The following DYRK1A variants were observed in gnomAD, a reference collection of about 807,000 sequenced individuals.
DYRK1A encodes dual specificity tyrosine phosphorylation regulated kinase 1A, also known as dual specificity tyrosine-phosphorylation-regulated kinase 1A.
In DYRK1A, 9 loss-of-function variants were observed where a neutral mutation model predicts 79.7. That is an observed-to-expected ratio of 0.11 (90% CI 0.07 to 0.20). The LOEUF is 0.20. DYRK1A is among the 10% of genes least tolerant of loss of function. DYRK1A has a pLI of 1.00. For missense variants in DYRK1A, 622 were observed against 956.0 expected (o/e 0.65, Z 4.61); for synonymous variants, 349 against 329.7 (o/e 1.06, Z -0.63).
chr21:37,476,961 TGTTG>T (rs2052420894), intron 3 of DYRK1A, among the ~76,000 whole-genome samples: 1 of 152,140 alleles, frequency 6.6e-6, no homozygotes, highest in Non-Finnish European at 1.5e-5. Context: ...CCAGTGTTAA[TGTTG>T]GTTCATGATA....
chr21:37,509,774 A>G (rs1175782429), intron 11 of DYRK1A, among the ~76,000 whole-genome samples: 1 of 152,128 alleles, frequency 6.6e-6, no homozygotes, highest in African/African-American at 2.4e-5. Context: ...CTTTTTTACT[A>G]TTTACAAATG....
intron 2 of DYRK1A, among the ~76,000 whole-genome samples, chr21:37,453,825 G>A (rs566114095): frequency 1.3e-5 from 2 of 152,078 alleles, no homozygotes; most frequent in South Asian, 4.2e-4. Context: ...CTTTTTTTAC[G>A]TACAAAATAG....
In DYRK1A at chr21:37,479,619, G is replaced by GT. The variant is rs565080496; in HGVS notation, c.301-1002dup. On this transcript the variant is annotated intron_variant, in intron 4 of 11. Transcript: ENST00000647188. ...GTTTTTGTTTTTGTTTTTGTTTTTT[G>GT]TTTTTTTTTTTTTTTTTGGAGACAG... 2.2e-3 allele frequency among the ~76,000 whole-genome samples: 164 copies of GT among 73,924 alleles called. 7 individuals carry two copies. The highest frequency in any genetic ancestry group is 0.026 in the Middle Eastern group (2 of 76). The allele number at this position is 73,924 out of a possible 152,430, so 48.5% of individuals were successfully genotyped here.
intron 2 of DYRK1A, among the ~76,000 whole-genome samples, chr21:37,434,900 G>C (rs150107619): frequency 8.7e-4 from 132 of 152,248 alleles, no homozygotes; most frequent in African/African-American, 3.2e-3. Context: ...TTAATGTATA[G>C]AAAGACATTT....
At chr21:37,412,073 A>G (rs2050255779) in intron 1 of DYRK1A, among the ~76,000 whole-genome samples, 1 of 152,232 alleles carries the variant, frequency 6.6e-6, no homozygotes, top group South Asian at 2.1e-4. Context: ...TTAACAGAAT[A>G]TAGCAGGAGA....
intron 9 of DYRK1A, among the ~76,000 whole-genome samples, chr21:37,496,668 T>G (rs533442687): frequency 1.8e-4 from 28 of 152,208 alleles, no homozygotes; most frequent in African/African-American, 6.7e-4. Context: ...TAAGTTCAGT[T>G]GGTAAATTAT....
At chr21:37,449,372 T>C (rs1357965180) in intron 2 of DYRK1A, among the ~76,000 whole-genome samples, 3 of 152,220 alleles carry the variant, frequency 2.0e-5, no homozygotes, top group East Asian at 3.8e-4. Context: ...TCTGCAGTTA[T>C]TCAGGCTCTG....
intron 9 of DYRK1A, chr21:37,502,243 C>T (rs1296724988): frequency 6.6e-6 from 1 of 150,986 alleles, no homozygotes. Context: ...TTAATCTAGT[C>T]TGTTAGTGGT....
In DYRK1A at chr21:37,493,103, C is replaced by T; in HGVS notation, c.1011C>T (p.Ser337=). The change falls in exon 8 of 12, where the codon TCC becomes TCT. Residue 337 remains serine (S), a synonymous_variant. Coordinates refer to ENST00000647188, the MANE Select transcript of DYRK1A (RefSeq NM_001347721.2). ...ATGACCTTGCCATTGATATGTGGTC[C>T]CTCGGGTGTATTTTGGTTGAAATGC... ...MPYDLAIDMW[S]LGCILVEMHT... The T allele has an allele frequency of 1.2e-6, 2 of 1,613,614 alleles. No individual in the cohort carries two copies.
intron 2 of DYRK1A, among the ~76,000 whole-genome samples, chr21:37,455,196 T>C (rs1436296797): frequency 6.6e-6 from 1 of 152,086 alleles, no homozygotes; most frequent in Non-Finnish European, 1.5e-5. Flanking sequence ...GGGCCTGGGC[T>C]CTTTGGACAG....
chr21:37,398,904 C>CTTTT (rs75261593), intron 1 of DYRK1A, among the ~76,000 whole-genome samples: 6 of 137,074 alleles, frequency 4.4e-5, no homozygotes, highest in African/African-American at 1.6e-4. Flanking sequence ...GGAGGAGAAA[C>CTTTT]TTTTTTTTTT....
rs1484563326 is a variant in DYRK1A, at chr21:37,494,193, C to T, written c.1071+1030C>T. Among the ~76,000 whole-genome samples, 3 of 151,638 alleles carry T rather than the reference C, an allele frequency of 2.0e-5. No homozygotes were observed. The East Asian group carries it at 5.8e-4, about 29-fold the overall frequency. On this transcript the variant is annotated intron_variant, in intron 8 of 11. Transcript: ENST00000647188. ...AGGCGTGAGCCACTGTGCCCAGCCC[C>T]TTTTAATTCATTTCAACTTGAACTG...
Position 37,454,434 on chromosome 21 carries a change from A to G in DYRK1A, c.11-18250A>G, listed in dbSNP as rs563515847. 1.1e-4 allele frequency among the ~76,000 whole-genome samples: 17 copies of G among 152,296 alleles called. No homozygotes were observed. The South Asian group carries it at 3.5e-3, about 32-fold the overall frequency. On this transcript the variant is annotated intron_variant, in intron 2 of 11. Coordinates refer to ENST00000647188, the MANE Select transcript of DYRK1A (RefSeq NM_001347721.2). ...ACAAAGTCTTATTTGAGGTTGACACATAGACATGGAGCAACCTCTGTCAAT... is the reference window on the plus strand; with the variant it reads ...ACAAAGTCTTATTTGAGGTTGACACGTAGACATGGAGCAACCTCTGTCAAT...
intron 2 of DYRK1A, among the ~76,000 whole-genome samples, chr21:37,451,850 C>T (rs1261941491): frequency 6.6e-6 from 1 of 152,176 alleles, no homozygotes; most frequent in African/African-American, 2.4e-5. Flanking sequence ...GAGAACGTTT[C>T]TTAGCATGAC....
At chr21:37,500,929 C>CT (rs898795722) in intron 9 of DYRK1A, among the ~76,000 whole-genome samples, 48 of 144,136 alleles carry the variant, frequency 3.3e-4, no homozygotes, top group Admixed American at 6.9e-4. Flanking sequence ...TTGTTGATTT[C>CT]TTTTTTTTTT....
intron 2 of DYRK1A, among the ~76,000 whole-genome samples, chr21:37,469,185 C>T (rs1004308801): frequency 1.1e-4 from 16 of 151,926 alleles, no homozygotes; most frequent in Admixed American, 2.6e-4. Context: ...AGGAGTGGAG[C>T]GTGAGAATTT....
At chr21:37,391,392 A>G (rs2049868021) in intron 1 of DYRK1A, among the ~76,000 whole-genome samples, 1 of 152,132 alleles carries the variant, frequency 6.6e-6, no homozygotes, top group Non-Finnish European at 1.5e-5. Flanking sequence ...TCTTCTATCC[A>G]TTGTCTAAAA....
chr21:37,457,815 A>G (rs1030168344), intron 2 of DYRK1A, among the ~76,000 whole-genome samples: 2 of 152,128 alleles, frequency 1.3e-5, no homozygotes, highest in Non-Finnish European at 2.9e-5. Flanking sequence ...TCTCCCTGGG[A>G]TGGGAGAAGG....
rs147906124 is a variant in DYRK1A at position 37,416,014 on chromosome 21, A to G, written c.-76-4285A>G. Among the ~76,000 whole-genome samples the G allele has an allele frequency of 1.4e-3, 219 of 152,150 alleles. 2 individuals carry two copies. The highest frequency in any genetic ancestry group is 2.3e-3 in the Non-Finnish European group (159 of 68,006). ...TGCATCTCTGTATTTTCTCACAACTATTTCAGTGATTCTTAATGAGTGGCA... is the reference window on the plus strand; with the variant it reads ...TGCATCTCTGTATTTTCTCACAACTGTTTCAGTGATTCTTAATGAGTGGCA... On this transcript the variant is annotated intron_variant, in intron 1 of 11. Transcript: ENST00000647188.
Sources: gnomAD v4.1 joint callset for allele counts (sites outside exome capture counted in the v4.1 genomes callset) on GRCh38, gnomAD v4.1.1 for gene constraint, MANE v1.5 for transcripts, NCBI Gene and HGNC (gene_info 2026-07-23, HGNC 2026-07-21) for gene names.